The following CREBBP variants were observed in gnomAD, a reference collection of about 807,000 sequenced individuals.
CREBBP encodes the protein CREB binding lysine acetyltransferase.
Under a neutral mutation model 265.0 loss-of-function variants are expected in CREBBP, and 19 were observed. That is an observed-to-expected ratio of 0.07 (90% CI 0.05 to 0.11). The LOEUF (loss-of-function observed/expected upper bound fraction) is 0.11. Among genes scored for constraint, CREBBP ranks in the 10% least tolerant of loss-of-function variants. The probability of loss-of-function intolerance (pLI) is 1.00; values close to 1 mark genes in which losing one functional copy is unlikely to be tolerated. For synonymous variants in CREBBP, 1,457 were observed against 1,223.7 expected (o/e 1.19, Z -3.98); for missense variants, 2,525 against 3,219.0 (o/e 0.78, Z 5.22).
chr16:3,826,287 T>C (rs2054235370), intron 2 of CREBBP, among the ~76,000 whole-genome samples: 1 of 152,220 alleles, frequency 6.6e-6, no homozygotes, highest in Non-Finnish European at 1.5e-5. Flanking sequence ...TGATTTCATT[T>C]AGTAAAAAAC....
rs777621713 is a variant in CREBBP at position 3,744,488 on chromosome 16, A to G, written c.3982+406T>C. The stretch of plus-strand genomic sequence containing the variant: ...GCTGATCATAAATGCTGACTTTCAT[A>G]TAACAATCAGGCCAAATATTCCCTT... On this transcript the variant is annotated intron_variant, in intron 23 of 30. Coordinates refer to ENST00000262367, the MANE Select transcript of CREBBP (RefSeq NM_004380.3). Among the ~76,000 whole-genome samples, 7 of 152,232 alleles carry G rather than the reference A, an allele frequency of 4.6e-5. No homozygotes were observed. In the South Asian group the frequency reaches 1.4e-3, roughly 31 times the overall value.
intron 16 of CREBBP, among the ~76,000 whole-genome samples, chr16:3,766,243 T>C (rs1302322773): frequency 6.6e-6 from 1 of 152,188 alleles, no homozygotes; most frequent in Non-Finnish European, 1.5e-5. Flanking sequence ...GCAACTAACC[T>C]TTAAGAAACC....
intron 2 of CREBBP, among the ~76,000 whole-genome samples, chr16:3,822,931 C>A (rs777832344): frequency 6.6e-6 from 1 of 152,080 alleles, no homozygotes; most frequent in African/African-American, 2.4e-5. Context: ...ACACAGGAAG[C>A]GCCTAGAAAA....
chr16:3,818,887 C>T (rs528746006), intron 2 of CREBBP, among the ~76,000 whole-genome samples: 70 of 152,280 alleles, frequency 4.6e-4, no homozygotes, highest in Non-Finnish European at 8.7e-4. Flanking sequence ...GGAAGGGGCC[C>T]CCCGGAAAGG....
At chr16:3,797,157 C>T (rs1182275505) in intron 3 of CREBBP, among the ~76,000 whole-genome samples, 3 of 152,108 alleles carry the variant, frequency 2.0e-5, no homozygotes, top group African/African-American at 4.8e-5. Context: ...GAGAGTACTT[C>T]GGAACCTCCC....
chr16:3,768,857 A>G (rs981417401), intron 15 of CREBBP, among the ~76,000 whole-genome samples: 1 of 152,138 alleles, frequency 6.6e-6, no homozygotes, highest in Non-Finnish European at 1.5e-5. Flanking sequence ...TGAATCCACC[A>G]CCCCTTCTGT....
chr16:3,739,981 C>A (rs372430595), intron 24 of CREBBP, among the ~76,000 whole-genome samples: 5 of 152,218 alleles, frequency 3.3e-5, no homozygotes, highest in African/African-American at 1.2e-4. Flanking sequence ...ACTGGCTATA[C>A]AGCAGTCCCC....
chr16:3,801,605 G>A lies in CREBBP; in HGVS notation c.976-7979C>T, dbSNP rs2053714011. On this transcript the variant is annotated intron_variant, in intron 3 of 30. Transcript: ENST00000262367. ...GAATCGCTTGAACCCAGGAAGTGGA[G>A]GCGTCAGTGAGCAGAGATTGCGCCA... Among the ~76,000 whole-genome samples, 3 of 152,176 alleles carry A rather than the reference G, an allele frequency of 2.0e-5. No homozygotes were observed. In the South Asian group the frequency reaches 6.2e-4, roughly 32 times the overall value.
chr16:3,780,703 A>G (rs1211021357), intron 8 of CREBBP, 29 bp downstream of exon 8: 1 of 1,612,640 alleles, frequency 6.2e-7, no homozygotes, highest in East Asian at 2.2e-5. Flanking sequence ...AAAATCAAAC[A>G]TCTATGAAAC....
intron 1 of CREBBP, among the ~76,000 whole-genome samples, chr16:3,855,139 A>G (rs2054932679): frequency 6.6e-6 from 1 of 152,228 alleles, no homozygotes; most frequent in African/African-American, 2.4e-5. Context: ...TCCTATAGCC[A>G]TGAGATTACA....
At chr16:3,864,555 G>C (rs143916873) in intron 1 of CREBBP, among the ~76,000 whole-genome samples, 2 of 152,254 alleles carry the variant, frequency 1.3e-5, no homozygotes, top group Non-Finnish European at 2.9e-5. Context: ...GGCTGAGGTG[G>C]GAGGACTGCT....
chr16:3,769,016 TTCAA>T (rs2052931843), intron 15 of CREBBP, among the ~76,000 whole-genome samples, 154 bp downstream of exon 15: 1 of 152,200 alleles, frequency 6.6e-6, no homozygotes, highest in African/African-American at 2.4e-5. Context: ...CCAAGCTGTT[TTCAA>T]TCAATTTCCT....
intron 2 of CREBBP, among the ~76,000 whole-genome samples, chr16:3,825,283 T>A (rs9935626): frequency 1.3e-5 from 2 of 152,196 alleles, no homozygotes; most frequent in African/African-American, 4.8e-5. Flanking sequence ...ATAATATGAC[T>A]CACTGCTAAG....
chr16:3,812,748 T>G (rs756468617), intron 2 of CREBBP, among the ~76,000 whole-genome samples: 4 of 152,156 alleles, frequency 2.6e-5, no homozygotes, highest in Admixed American at 2.0e-4. Context: ...ATTAAGAAAC[T>G]GGATGCTTGG....
At chr16:3,829,085 C>T (rs1430275215) in intron 2 of CREBBP, among the ~76,000 whole-genome samples, 1 of 151,472 alleles carries the variant, frequency 6.6e-6, no homozygotes. Flanking sequence ...TGGTAATCAA[C>T]ATAAAAACCC....
intron 2 of CREBBP, among the ~76,000 whole-genome samples, chr16:3,829,487 T>C (rs970501901): frequency 1.3e-5 from 2 of 152,126 alleles, no homozygotes; most frequent in African/African-American, 4.8e-5. Context: ...TACGAAGGAA[T>C]TGTGAATTGA....
chr16:3,879,240 A>G (rs199516518), intron 1 of CREBBP, among the ~76,000 whole-genome samples: 1 of 5,526 alleles, frequency 1.8e-4, no homozygotes, highest in African/African-American at 2.0e-4. Context: ...GCGCGCACAC[A>G]CACACACACA....
intron 8 of CREBBP, 80 bp from the exon 9 acceptor site, chr16:3,778,897 T>G: frequency 8.3e-7 from 1 of 1,203,308 alleles, no homozygotes; most frequent in Non-Finnish European, 1.2e-6. Flanking sequence ...CCAGGCGCGG[T>G]GGCTCACGCT....
chr16:3,808,850 C>G (rs2053881891), intron 3 of CREBBP, among the ~76,000 whole-genome samples: 1 of 152,186 alleles, frequency 6.6e-6, no homozygotes, highest in Non-Finnish European at 1.5e-5. Context: ...CAGCTAACCC[C>G]AGAGTCCACA....
Sources: allele counts gnomAD v4.1 joint callset (sites outside exome capture counted in the v4.1 genomes callset), GRCh38; gene constraint gnomAD v4.1.1; transcripts MANE v1.5; gene names NCBI Gene and HGNC (gene_info 2026-07-23, HGNC 2026-07-21).